Variants in TRIM34 observed in about 807,000 individuals in gnomAD.
The protein encoded by TRIM34 is E3 ubiquitin-protein ligase TRIM34.
In TRIM34, 41 loss-of-function variants were observed where a neutral mutation model predicts 38.1. That is an observed-to-expected ratio of 1.08 (90% CI 0.84 to 1.40). The LOEUF (loss-of-function observed/expected upper bound fraction) is 1.40. TRIM34 is among the 40% of genes most tolerant of loss of function. The probability of loss-of-function intolerance (pLI) is 0.00; values close to 1 mark genes in which losing one functional copy is unlikely to be tolerated. For missense variants in TRIM34, 556 were observed against 571.4 expected (o/e 0.97, Z 0.27); for synonymous variants, 200 against 202.5 (o/e 0.99, Z 0.10).
chr11:5,622,643 A>G (rs1278476472), upstream of TRIM34, among the ~76,000 whole-genome samples: 4 of 152,112 alleles, frequency 2.6e-5, no homozygotes, highest in African/African-American at 9.7e-5. Flanking sequence ...ACAAATAAAA[A>G]AAACCGGAAA....
rs1323211400 is a variant in TRIM34 at position 5,625,035 on chromosome 11, G to A, written c.-103G>A. ...GGCTTTTCTTCACCTCTTCAACCAG[G>A]AGCCGAGATTTCTGTTGCTCTGAAG... On this transcript the variant is annotated 5_prime_UTR_variant, in exon 1 of 8. Transcript: ENST00000429814. The A allele has an allele frequency of 1.3e-5, 2 of 152,324 alleles. No individual in the cohort carries two copies. Among genetic ancestry groups the A allele is most frequent in the African/African-American group, 2.4e-5 (1 of 41,448 alleles). The allele number at this position is 152,324 out of a possible 1,614,324, so 9.4% of individuals were successfully genotyped here.
At chr11:5,633,722 A>C (rs941574155) in intron 2 of TRIM34, 82 bp from the exon 3 acceptor site, 4 of 1,408,096 alleles carry the variant, frequency 2.8e-6, no homozygotes, top group Non-Finnish European at 3.8e-6. Context: ...TCTGGGATCA[A>C]CTTGATTTTT....
intron 2 of TRIM34, 89 bp from the exon 3 acceptor site, chr11:5,633,714 TG>T: frequency 7.4e-7 from 1 of 1,356,752 alleles, no homozygotes; most frequent in Non-Finnish European, 9.9e-7. Context: ...TGCTTTTTTC[TG>T]GGATCAACTT....
chr11:5,623,441 C>T (rs1196409197), upstream of TRIM34, among the ~76,000 whole-genome samples: 3 of 151,806 alleles, frequency 2.0e-5, 1 homozygote, highest in Non-Finnish European at 4.4e-5. Flanking sequence ...GATCTCGGCT[C>T]ACTGCAACCT....
intron 1 of TRIM34, among the ~76,000 whole-genome samples, chr11:5,630,092 A>G (rs1041110030): frequency 6.6e-6 from 1 of 152,182 alleles, no homozygotes; most frequent in Admixed American, 6.5e-5. Context: ...TCTTACATCA[A>G]CGGATTGATT....
rs1188701824 is a variant in TRIM34 at position 5,643,539 on chromosome 11, G to A, written c.1297G>A (p.Val433Ile). 6.2e-7 allele frequency: 1 copy of A among 1,614,058 alleles called. No homozygotes were observed. The highest frequency in any genetic ancestry group is 8.5e-7 in the Non-Finnish European group (1 of 1,180,030). Residue 433 changes from valine (V) to isoleucine (I), a missense_variant, in exon 8 of 8, where the codon GTT becomes ATT. Physicochemically the swap from Val to Ile is conservative, Grantham distance 29. Coordinates refer to ENST00000429814, the MANE Select transcript of TRIM34 (RefSeq NM_021616.6). Reference sequence around the variant, plus strand: ...CTCCATGGCTGTGCCTCCCTGCCGTGTTGGGGTTTTCCTCGACTATGAAGC... The same window carrying A: ...CTCCATGGCTGTGCCTCCCTGCCGTATTGGGGTTTTCCTCGACTATGAAGC... ...TLSMAVPPCR[V>I]GVFLDYEAGI...
chr11:5,626,882 C>CAA lies in TRIM34; in HGVS notation c.-78+1836_-78+1837dup, dbSNP rs145677485. ...GGGGGAAAAGAGCAAGACTCTGTCT[C>CAA]AAAAAAAAAAAAAAATATGGTGAGC... is the stretch of plus-strand genomic sequence containing the variant. On this transcript the variant is annotated intron_variant, in intron 1 of 7. Transcript: ENST00000429814. 312 of 128,080 alleles carry CAA rather than the reference C, an allele frequency of 2.4e-3. 1 individual carries two copies. Among genetic ancestry groups the CAA allele is most frequent in the African/African-American group, 7.8e-3 (273 of 34,816 alleles). 7.9% of individuals were successfully genotyped at this position (128,080 alleles called of 1,614,324 possible).
rs555800536 is a variant in TRIM34, at chr11:5,636,283, T to C, written c.750+1422T>C. 2.0e-4 allele frequency among the ~76,000 whole-genome samples: 30 copies of C among 152,336 alleles called. 1 individual carries two copies. The East Asian group carries it at 5.8e-3, about 29-fold the overall frequency. The stretch of plus-strand genomic sequence containing the variant: ...AAGAAGGCAAACACAAGTTCTTTTT[T>C]GTATGATTCCATTTATATGAAAGTC... On this transcript the variant is annotated intron_variant, in intron 4 of 7. Transcript: ENST00000429814.
rs200448609 is a variant in TRIM34, at chr11:5,643,129, T to A, written c.902-15T>A. On this transcript the variant is annotated splice_polypyrimidine_tract_variant and intron_variant, in intron 7 of 7. Coordinates refer to ENST00000429814, the MANE Select transcript of TRIM34 (RefSeq NM_021616.6). ...TATTCATATACATATATATATATTTTTTTTTTTCTTGCAGTGGATGTCACA... is the reference window on the plus strand; with the variant it reads ...TATTCATATACATATATATATATTTATTTTTTTCTTGCAGTGGATGTCACA... 2.1e-4 allele frequency: 147 copies of A among 696,414 alleles called. 1 individual carries two copies. The highest frequency in any genetic ancestry group is 6.6e-4 in the East Asian group (14 of 21,282). 43.1% of individuals were successfully genotyped at this position (696,414 alleles called of 1,614,324 possible). A position where few individuals can be genotyped will look rare whatever the true frequency, so the allele number is the denominator to read the frequency against.
intron 1 of TRIM34, 92 bp from the exon 2 acceptor site, chr11:5,632,163 A>G: frequency 2.7e-6 from 4 of 1,491,330 alleles, no homozygotes; most frequent in Non-Finnish European, 3.6e-6. Context: ...TTGTTCTTTG[A>G]TATTGCAGTC....
In TRIM34 at chr11:5,643,822, A is replaced by C. The variant is rs1195650299; in HGVS notation, c.*113A>C. 2.2e-6 allele frequency: 3 copies of C among 1,377,714 alleles called. No homozygotes were observed. The highest frequency in any genetic ancestry group is 2.9e-6 in the Non-Finnish European group (3 of 1,020,982). 85.3% of individuals were successfully genotyped at this position (1,377,714 alleles called of 1,614,324 possible). A position where few individuals can be genotyped will look rare whatever the true frequency, so the allele number is the denominator to read the frequency against. On this transcript the variant is annotated 3_prime_UTR_variant, in exon 8 of 8. Transcript: ENST00000429814. ...GTGGTTTCCCTTCTTTAGAACTTTT[A>C]CTCATCCTTGAGATGTATGGTGTAT... is the stretch of plus-strand genomic sequence containing the variant.
rs781355929 is a variant in TRIM34, at chr11:5,632,699, A to C, written c.368A>C (p.Gln123Pro). ...KVICWLCERS[Q>P]EHRGHHTVLT... The stretch of plus-strand genomic sequence containing the variant: ...ATTTGCTGGCTTTGTGAGCGGTCTC[A>C]GGAGCACCGTGGTCACCACACAGTC... The change falls in exon 2 of 8, where the codon CAG (glutamine) becomes CCG (proline). Residue 123 changes from glutamine to proline, a missense_variant. Physicochemically the swap from Gln to Pro is moderately conservative, Grantham distance 76 (BLOSUM62 -1). Transcript: ENST00000429814. 6.2e-7 allele frequency: 1 copy of C among 1,612,670 alleles called. No individual in the cohort carries two copies. The highest frequency in any genetic ancestry group is 1.1e-5 in the South Asian group (1 of 90,810).
chr11:5,629,837 A>G (rs546218099), intron 1 of TRIM34, among the ~76,000 whole-genome samples: 1 of 152,248 alleles, frequency 6.6e-6, no homozygotes, highest in East Asian at 1.9e-4. Flanking sequence ...CCTCCCGAGT[A>G]GCTGGGACTA....
In TRIM34 at chr11:5,627,969, A is replaced by G. The variant is rs112208984; in HGVS notation, c.-78+2909A>G. Among the ~76,000 whole-genome samples the G allele has an allele frequency of 3.0e-3, 454 of 152,312 alleles. 1 individual carries two copies. The highest frequency in any genetic ancestry group is 1.0e-2 in the African/African-American group (415 of 41,558). The stretch of plus-strand genomic sequence containing the variant: ...AGATGTTAGGAGAAGACTCAAATGA[A>G]GGGTATAATCACCTGGCAGCTATGG... On this transcript the variant is annotated intron_variant, in intron 1 of 7. Transcript: ENST00000429814.
upstream of TRIM34, among the ~76,000 whole-genome samples, chr11:5,622,504 C>G (rs967538929): frequency 3.3e-5 from 5 of 151,536 alleles, no homozygotes; most frequent in Non-Finnish European, 7.4e-5. Context: ...TGCCTGTAAT[C>G]CCAGCTACTC....
At chr11:5,629,209 G>C (rs1023335804) in intron 1 of TRIM34, among the ~76,000 whole-genome samples, 3 of 152,044 alleles carry the variant, frequency 2.0e-5, no homozygotes, top group African/African-American at 4.8e-5. Context: ...CCTGGGAGGC[G>C]GGGGTTGCAG....
Position 5,634,634 on chromosome 11 carries a change from C to A in TRIM34, c.523C>A (p.Gln175Lys). The part of the protein sequence containing the change: ...IREEKTSWKY[Q>K]VQTERQRIQT... The stretch of plus-strand genomic sequence containing the variant: ...TCTCTCTTGTCCATCCTTGCAGTAT[C>A]AGGTACAAACTGAGAGACAAAGGAT... Residue 175 changes from glutamine to lysine, a missense_variant, in exon 4 of 8, where the codon CAG becomes AAG. Gln to Lys is a moderately conservative substitution (Grantham distance 53). Transcript: ENST00000429814. 1 of 1,611,312 alleles carries A rather than the reference C, an allele frequency of 6.2e-7. No homozygotes were observed. The highest frequency in any genetic ancestry group is 1.1e-5 in the South Asian group (1 of 90,816).
Position 5,634,656 on chromosome 11 carries a change from G to C in TRIM34, c.545G>C (p.Arg182Thr), listed in dbSNP as rs750899380. 1 of 1,613,304 alleles carries C rather than the reference G, an allele frequency of 6.2e-7. No homozygotes were observed. The highest frequency in any genetic ancestry group is 1.1e-5 in the South Asian group (1 of 91,020). The change falls in exon 4 of 8, where the codon AGG (arginine) becomes ACG (threonine). Residue 182 changes from arginine to threonine, a missense_variant. Physicochemically the swap from Arg to Thr is moderately conservative, Grantham distance 71 (BLOSUM62 -1). Coordinates refer to ENST00000429814, the MANE Select transcript of TRIM34 (RefSeq NM_021616.6). ...TATCAGGTACAAACTGAGAGACAAA[G>C]GATACAAACAGAATTTGATCAGCTT... ...WKYQVQTERQ[R>T]IQTEFDQLRS...
chr11:5,642,565 C>A, intron 6 of TRIM34, 59 bp downstream of exon 6: 1 of 1,585,798 alleles, frequency 6.3e-7, no homozygotes, highest in Non-Finnish European at 8.6e-7. Flanking sequence ...AGGTAATAAA[C>A]TGTCTAGGTG....
Sources: gnomAD v4.1 joint callset for allele counts (sites outside exome capture counted in the v4.1 genomes callset) on GRCh38, gnomAD v4.1.1 for gene constraint, MANE v1.5 for transcripts, NCBI Gene and HGNC (gene_info 2026-07-23, HGNC 2026-07-21) for gene names.